Variants in REELD1 observed in about 807,000 individuals in gnomAD.
The protein encoded by REELD1 is reelin domain-containing protein 1.
A neutral mutation model predicts 6.3 loss-of-function variants in REELD1; 12 were observed. The ratio of observed to expected loss-of-function variants is 1.89; its 90% CI spans 1.21 to 3.07. The LOEUF is 3.07. Among genes scored for constraint, REELD1 ranks in the 30% most tolerant of loss-of-function variants. The pLI is 0.00. For synonymous variants in REELD1, 57 were observed against 33.6 expected, an observed-to-expected ratio of 1.70 and a Z score of -2.42; for missense variants, 163 against 86.8, an observed-to-expected ratio of 1.88 and a Z score of -3.49.
intron 5 of REELD1, among the ~76,000 whole-genome samples, chr4:146,225,615 A>G (rs979921184): frequency 2.0e-5 from 3 of 152,104 alleles, no homozygotes; most frequent in African/African-American, 4.8e-5. Flanking sequence ...CATGGCCTGG[A>G]GAAGACCCTG....
intron 3 of REELD1, among the ~76,000 whole-genome samples, chr4:146,221,189 G>A (rs899435939): frequency 2.6e-5 from 4 of 152,166 alleles, no homozygotes; most frequent in Non-Finnish European, 5.9e-5. Flanking sequence ...TGGACACTCT[G>A]TACTGGCCAT....
chr4:146,224,647 C>T (rs1333537043), intron 5 of REELD1, 39 bp downstream of exon 5: 1 of 697,560 alleles, frequency 1.4e-6, no homozygotes, highest in African/African-American at 1.7e-5. Context: ...TGGTTGTCAT[C>T]ATTATTTTTA....
chr4:146,218,486 T>C (rs1338843967), intron 3 of REELD1, among the ~76,000 whole-genome samples: 3 of 152,214 alleles, frequency 2.0e-5, no homozygotes, highest in African/African-American at 7.2e-5. Context: ...ATTCTTTTGA[T>C]AGGAACTAAA....
rs1239400357 is a variant in REELD1, at chr4:146,231,695, T to C, written c.*1182T>C. ...TAAGTAGTTTGCGTATATCTTCACATTTAACTCTCACAAAAATTTAATGAG... is the reference window on the plus strand; with the variant it reads ...TAAGTAGTTTGCGTATATCTTCACACTTAACTCTCACAAAAATTTAATGAG... On this transcript the variant is annotated 3_prime_UTR_variant, in exon 8 of 8. Transcript: ENST00000623665. 6.6e-6 allele frequency among the ~76,000 whole-genome samples: 1 copy of C among 152,218 alleles called. No homozygotes were observed. Among genetic ancestry groups the C allele is most frequent in the African/African-American group, 2.4e-5 (1 of 41,460 alleles).
intron 5 of REELD1, among the ~76,000 whole-genome samples, chr4:146,225,920 C>G (rs1731013667): frequency 6.6e-6 from 1 of 152,100 alleles, no homozygotes; most frequent in Admixed American, 6.5e-5. Flanking sequence ...TTCCACTACC[C>G]AAACCCTAGT....
intron 2 of REELD1, among the ~76,000 whole-genome samples, chr4:146,216,190 G>A (rs1730822946): frequency 6.6e-6 from 1 of 152,082 alleles, no homozygotes; most frequent in African/African-American, 2.4e-5. Flanking sequence ...TCCTCTTGAT[G>A]GGAATTAGAG....
intron 4 of REELD1, among the ~76,000 whole-genome samples, 165 bp downstream of exon 4, chr4:146,222,744 G>C (rs1405362985): frequency 6.6e-6 from 1 of 152,120 alleles, no homozygotes; most frequent in East Asian, 1.9e-4. Flanking sequence ...CCTATGCAGA[G>C]GGAAACTAAA....
chr4:146,217,787 T>C (rs1730852797), intron 3 of REELD1, among the ~76,000 whole-genome samples: 1 of 152,204 alleles, frequency 6.6e-6, no homozygotes, highest in Admixed American at 6.5e-5. Context: ...TTTTTTCTCA[T>C]TATTTAAAAC....
chr4:146,229,188 A>G, intron 7 of REELD1, 100 bp downstream of exon 7: 1 of 652,048 alleles, frequency 1.5e-6, no homozygotes. Context: ...TAGTAGCCAA[A>G]GTTAGAGAGA....
intron 3 of REELD1, among the ~76,000 whole-genome samples, chr4:146,218,338 GA>G (rs1464318911): frequency 6.6e-6 from 1 of 152,166 alleles, no homozygotes; most frequent in Non-Finnish European, 1.5e-5. Context: ...ACCAAGCTTG[GA>G]AGTGGCAGTG....
At chr4:146,229,772 A>G (rs1731091555) in intron 7 of REELD1, 133 bp from the exon 8 acceptor site, 1 of 396,578 alleles carries the variant, frequency 2.5e-6, no homozygotes, top group Non-Finnish European at 4.4e-6. Context: ...GAGCTCCTTT[A>G]GTAGCAAGAA....
intron 3 of REELD1, among the ~76,000 whole-genome samples, chr4:146,218,903 C>T (rs7679948): frequency 0.014 from 2,106 of 151,982 alleles, 43 homozygotes; most frequent in African/African-American, 0.047. Flanking sequence ...AATCCCAGCA[C>T]TTTGGGAGGC....
chr4:146,217,230 T>A, intron 3 of REELD1, 70 bp downstream of exon 3: 1 of 398,754 alleles, frequency 2.5e-6, no homozygotes. Flanking sequence ...CAGTTTGTGT[T>A]TGTCCCAGTC....
chr4:146,221,013 A>G (rs561334063), intron 3 of REELD1, among the ~76,000 whole-genome samples: 1 of 152,356 alleles, frequency 6.6e-6, no homozygotes, highest in Admixed American at 6.5e-5. Flanking sequence ...AAATTTCTAG[A>G]TCAAAGAGTA....
chr4:146,217,160 G>C lies in REELD1; in HGVS notation c.208G>C (p.Val70Leu), dbSNP rs953357647. Reference protein sequence around the residue: ...TSYAPGDKIPVTVRSSRDFMG... With the variant: ...TSYAPGDKIPLTVRSSRDFMG... ...CTATGCACCAGGTGACAAGATTCCA[G>C]GTATGTACCAGAGAGGCTTAGAGAG... The change falls in exon 3 of 8, where the codon GTG (valine) becomes CTG (leucine). Residue 70 changes from valine (V) to leucine (L), a missense_variant and splice_region_variant. Coordinates refer to ENST00000623665, the MANE Select transcript of REELD1 (RefSeq NM_001354631.1). 5.0e-6 allele frequency: 2 copies of C among 399,388 alleles called. No individual in the cohort carries two copies. The highest frequency in any genetic ancestry group is 4.1e-5 in the African/African-American group (2 of 48,634). The allele number at this position is 399,388 out of a possible 1,614,324, so 24.7% of individuals were successfully genotyped here. A position where few individuals can be genotyped will look rare whatever the true frequency, so the allele number is the denominator to read the frequency against.
chr4:146,223,588 T>C (rs1043117711), intron 4 of REELD1, among the ~76,000 whole-genome samples: 16 of 152,226 alleles, frequency 1.1e-4, no homozygotes, highest in African/African-American at 3.6e-4. Flanking sequence ...TATTTTTGGA[T>C]GTACCATCAT....
chr4:146,222,014 A>G (rs753178767), intron 3 of REELD1, among the ~76,000 whole-genome samples: 2 of 151,974 alleles, frequency 1.3e-5, no homozygotes. Context: ...TTTTTTAATC[A>G]TCTGTCCAGG....
chr4:146,217,309 T>C, intron 3 of REELD1, 149 bp downstream of exon 3: 1 of 396,038 alleles, frequency 2.5e-6, no homozygotes. Context: ...AGTCTCACTG[T>C]GTTGCCCTGG....
chr4:146,224,886 GCAATAC>G (rs375355446), intron 5 of REELD1, among the ~76,000 whole-genome samples: 1 of 152,140 alleles, frequency 6.6e-6, no homozygotes, highest in African/African-American at 2.4e-5. Flanking sequence ...GAGCTGTGCT[GCAATAC>G]CAAAAAACAG....
Sources: allele counts gnomAD v4.1 joint callset (sites outside exome capture counted in the v4.1 genomes callset), GRCh38; gene constraint gnomAD v4.1.1; transcripts MANE v1.5; gene names NCBI Gene and HGNC (gene_info 2026-07-23, HGNC 2026-07-21).